METTL9: variants seen among roughly 807,000 people sequenced by gnomAD.
The protein encoded by METTL9 is protein-L-histidine N-pros-methyltransferase.
METTL9 carries 10 observed loss-of-function variants against 36.0 expected under a neutral mutation model. The ratio of observed to expected loss-of-function variants is 0.28; its 90% CI spans 0.17 to 0.47. METTL9 has a LOEUF of 0.47. METTL9 is among the 20% of genes least tolerant of loss of function. The pLI, the probability that METTL9 is intolerant of heterozygous loss-of-function variation, is 0.99. For synonymous variants in METTL9, 175 were observed against 149.7 expected (o/e 1.17, Z -1.23); for missense variants, 246 against 383.5 (o/e 0.64, Z 3.00).
chr16:21,618,092 T>G lies in METTL9; in HGVS notation c.566+18T>G, dbSNP rs1238742927. The G allele has an allele frequency of 6.8e-6, 10 of 1,466,490 alleles. No individual in the cohort carries two copies. Among genetic ancestry groups the G allele is most frequent in the Non-Finnish European group, 8.3e-6 (9 of 1,087,556 alleles). 90.8% of individuals were successfully genotyped at this position (1,466,490 alleles called of 1,614,324 possible). On this transcript the variant is annotated intron_variant, in intron 3 of 4. Coordinates refer to ENST00000358154, the MANE Select transcript of METTL9 (RefSeq NM_016025.5). ...AAATACAGGTATAATTTTCTTGGTT[T>G]TAGATGCATTTCTTCTTGAAAGTAT...
chr16:21,643,630 A>G, intron 4 of METTL9: 1 of 1,472,028 alleles, frequency 6.8e-7, no homozygotes, highest in Non-Finnish European at 9.5e-7. Context: ...TCTATGAAAC[A>G]TTTTATGTAC....
At chr16:21,625,463 A>G (rs1441394541) in intron 4 of METTL9, among the ~76,000 whole-genome samples, 1 of 152,100 alleles carries the variant, frequency 6.6e-6, no homozygotes, top group Non-Finnish European at 1.5e-5. Flanking sequence ...GTGCCTTTAA[A>G]TCTGGTCGTA....
At chr16:21,614,675 C>T (rs951528292) in intron 2 of METTL9, among the ~76,000 whole-genome samples, 1 of 152,132 alleles carries the variant, frequency 6.6e-6, no homozygotes, top group African/African-American at 2.4e-5. Context: ...TACTGTAGTA[C>T]TGTCTTGTAT....
At chr16:21,647,453 C>T (rs746178604) in intron 4 of METTL9, 1 of 1,613,960 alleles carries the variant, frequency 6.2e-7, no homozygotes, top group South Asian at 1.1e-5. Context: ...TTCTAGGTAC[C>T]ACGGTTGTGT....
chr16:21,616,658 T>C (rs1965561053), intron 2 of METTL9, among the ~76,000 whole-genome samples: 2 of 152,180 alleles, frequency 1.3e-5, no homozygotes, highest in Non-Finnish European at 2.9e-5. Flanking sequence ...ACCCAGACAG[T>C]TGTAACCATA....
At chr16:21,646,990 C>T (rs1469341088) in intron 4 of METTL9, 1 of 1,112,966 alleles carries the variant, frequency 9.0e-7, no homozygotes. Context: ...CTCATGGTGA[C>T]TTGTGTTCAG....
intron 3 of METTL9, among the ~76,000 whole-genome samples, chr16:21,618,370 A>G (rs1965604590): frequency 6.6e-6 from 1 of 152,180 alleles, no homozygotes; most frequent in Non-Finnish European, 1.5e-5. Flanking sequence ...GTAGTGGTAA[A>G]ATACACATAG....
intron 4 of METTL9, chr16:21,641,723 G>C (rs1428567500): frequency 2.0e-6 from 1 of 490,054 alleles, no homozygotes; most frequent in Non-Finnish European, 3.6e-6. Flanking sequence ...TAATCTTAAA[G>C]GCCAGATTAC....
At chr16:21,643,247 C>T (rs1230188743) in intron 4 of METTL9, 43 of 943,020 alleles carry the variant, frequency 4.6e-5, no homozygotes, top group Non-Finnish European at 6.4e-5. Flanking sequence ...CTATTGCCAC[C>T]GGTCCCAAAA....
intron 4 of METTL9, chr16:21,653,460 A>G (rs1475661332): frequency 6.6e-6 from 1 of 152,146 alleles, no homozygotes; most frequent in African/African-American, 2.4e-5. Context: ...GTGATTCAGT[A>G]AGGGTCTTCT....
intron 4 of METTL9, among the ~76,000 whole-genome samples, chr16:21,634,978 G>C (rs2141600449): frequency 6.6e-6 from 1 of 152,266 alleles, no homozygotes; most frequent in South Asian, 2.1e-4. Context: ...GGGACGGCTG[G>C]CTGACCAGTA....
intron 2 of METTL9, among the ~76,000 whole-genome samples, chr16:21,616,036 A>T (rs1332340550): frequency 6.6e-6 from 1 of 152,176 alleles, no homozygotes; most frequent in Non-Finnish European, 1.5e-5. Flanking sequence ...CCTTAATGGG[A>T]AAAGGAAGGG....
At chr16:21,620,494 C>T (rs763483790) in intron 3 of METTL9, among the ~76,000 whole-genome samples, 1 of 152,152 alleles carries the variant, frequency 6.6e-6, no homozygotes, top group Non-Finnish European at 1.5e-5. Context: ...TTAAACCCAT[C>T]TTCAGATGAT....
At chr16:21,621,575 C>T (rs1481060160) in intron 3 of METTL9, among the ~76,000 whole-genome samples, 1 of 151,964 alleles carries the variant, frequency 6.6e-6, no homozygotes, top group East Asian at 1.9e-4. Flanking sequence ...AATCCGCCCG[C>T]CTTGGCCTCC....
At chr16:21,629,860 C>T (rs377008191) in intron 4 of METTL9, among the ~76,000 whole-genome samples, 3 of 152,196 alleles carry the variant, frequency 2.0e-5, no homozygotes, top group East Asian at 3.9e-4. Flanking sequence ...CTGATTGGTC[C>T]GTTTTGACAG....
At chr16:21,620,516 G>A (rs1394425760) in intron 3 of METTL9, among the ~76,000 whole-genome samples, 8 of 152,146 alleles carry the variant, frequency 5.3e-5, no homozygotes, top group African/African-American at 1.7e-4. Context: ...GACCGCCCCA[G>A]CCTTCTTTTG....
intron 4 of METTL9, among the ~76,000 whole-genome samples, chr16:21,633,269 A>T (rs1412474776): frequency 3.9e-5 from 6 of 152,154 alleles, no homozygotes; most frequent in Non-Finnish European, 8.8e-5. Context: ...TGGGCCTTTG[A>T]CCTAGACACC....
intron 2 of METTL9, among the ~76,000 whole-genome samples, chr16:21,615,509 G>T (rs566140542): frequency 2.6e-5 from 4 of 152,076 alleles, no homozygotes; most frequent in African/African-American, 9.7e-5. Context: ...GATTACAGAC[G>T]TGAGCCACCA....
intron 4 of METTL9, among the ~76,000 whole-genome samples, chr16:21,625,475 A>G (rs191063532): frequency 3.3e-5 from 5 of 152,318 alleles, no homozygotes; most frequent in African/African-American, 9.6e-5. Context: ...CTGGTCGTAT[A>G]TACTTGCTGA....
Sources: allele counts gnomAD v4.1 joint callset (sites outside exome capture counted in the v4.1 genomes callset), GRCh38; gene constraint gnomAD v4.1.1; transcripts MANE v1.5; gene names NCBI Gene and HGNC (gene_info 2026-07-23, HGNC 2026-07-21).